The following TUBA1C variants were observed in gnomAD, a reference collection of about 807,000 sequenced individuals.
TUBA1C encodes the protein tubulin alpha 1c, also known as tubulin alpha-1C chain.
Under a neutral mutation model 34.9 loss-of-function variants are expected in TUBA1C, and 16 were observed. That is an observed-to-expected ratio of 0.46 (90% CI 0.31 to 0.70). The LOEUF (loss-of-function observed/expected upper bound fraction) is 0.70, where lower values mean the gene tolerates loss of function less well. Among genes scored for constraint, TUBA1C ranks in the 30% least tolerant of loss-of-function variants. TUBA1C has a pLI of 0.05. For missense variants in TUBA1C, 329 were observed against 587.3 expected (o/e 0.56, Z 4.55); for synonymous variants, 177 against 215.9 (o/e 0.82, Z 1.58).
At chr12:49,247,917 C>T (rs1331139425) in intron 1 of TUBA1C, among the ~76,000 whole-genome samples, 3 of 144,982 alleles carry the variant, frequency 2.1e-5, no homozygotes, top group African/African-American at 2.6e-5. Flanking sequence ...CACTACACTC[C>T]AGCCTGGGCG....
At chr12:49,241,462 T>G (rs762138959) in intron 1 of TUBA1C, among the ~76,000 whole-genome samples, 3 of 152,168 alleles carry the variant, frequency 2.0e-5, no homozygotes, top group Non-Finnish European at 4.4e-5. Flanking sequence ...GAATGTGGTT[T>G]GCTTCAGCCT....
chr12:49,228,679 T>C (rs1202644102), intron 1 of TUBA1C, among the ~76,000 whole-genome samples: 1 of 152,198 alleles, frequency 6.6e-6, no homozygotes, highest in African/African-American at 2.4e-5. Context: ...TTAATTTTAC[T>C]CTACTTTAGT....
At chr12:49,266,152 G>T (rs1346422667) in intron 1 of TUBA1C, among the ~76,000 whole-genome samples, 1 of 149,736 alleles carries the variant, frequency 6.7e-6, no homozygotes, top group African/African-American at 2.5e-5. Context: ...CCGGCCCGGC[G>T]CGGTGGCTCA....
intron 3 of TUBA1C, among the ~76,000 whole-genome samples, chr12:49,270,852 G>A (rs1942982004): frequency 6.6e-6 from 1 of 152,062 alleles, no homozygotes; most frequent in Admixed American, 6.6e-5. Context: ...GGTGGTGGGC[G>A]CCTGTAGTCC....
chr12:49,233,543 G>C (rs992809117), intron 1 of TUBA1C: 4 of 152,180 alleles, frequency 2.6e-5, no homozygotes, highest in African/African-American at 9.7e-5. Flanking sequence ...ATTCCTGATG[G>C]GTTCCCAATT....
chr12:49,230,291 C>T (rs779402245), intron 1 of TUBA1C, among the ~76,000 whole-genome samples: 2 of 152,014 alleles, frequency 1.3e-5, no homozygotes, highest in Non-Finnish European at 2.9e-5. Context: ...ATTTATGGGG[C>T]AGGGAGAGAC....
intron 1 of TUBA1C, among the ~76,000 whole-genome samples, chr12:49,231,246 C>T (rs1942493798): frequency 6.6e-6 from 1 of 152,162 alleles, no homozygotes; most frequent in Non-Finnish European, 1.5e-5. Flanking sequence ...CTCACTACAG[C>T]CTTAAACTCC....
chr12:49,252,598 G>A (rs1023200591), intron 1 of TUBA1C, among the ~76,000 whole-genome samples: 5 of 152,130 alleles, frequency 3.3e-5, no homozygotes, highest in South Asian at 2.1e-4. Context: ...CCAACATGGC[G>A]AAACCCCATC....
chr12:49,230,306 G>T (rs1284651375), intron 1 of TUBA1C, among the ~76,000 whole-genome samples: 1 of 152,160 alleles, frequency 6.6e-6, no homozygotes, highest in African/African-American at 2.4e-5. Context: ...AGAGACAGGT[G>T]CAAGCTTTCT....
chr12:49,256,273 C>T, intron 1 of TUBA1C: 6 of 324,592 alleles, frequency 1.8e-5, no homozygotes, highest in Non-Finnish European at 2.5e-5. Context: ...ATTTTTTTTT[C>T]CTCTGAAACA....
chr12:49,234,787 C>T (rs1481950846), intron 1 of TUBA1C, among the ~76,000 whole-genome samples: 1 of 152,220 alleles, frequency 6.6e-6, no homozygotes, highest in Non-Finnish European at 1.5e-5. Flanking sequence ...AAACCTCCCT[C>T]TTGGGTCTTT....
At chr12:49,228,246 A>G (rs1942460625) in intron 1 of TUBA1C, 1 of 1,305,796 alleles carries the variant, frequency 7.7e-7, no homozygotes, top group Non-Finnish European at 1.0e-6. Flanking sequence ...TGCAACTGAT[A>G]TTTGTGAATT....
At chr12:49,271,173 G>A (rs539412160) in intron 3 of TUBA1C, among the ~76,000 whole-genome samples, 3 of 152,186 alleles carry the variant, frequency 2.0e-5, no homozygotes, top group East Asian at 3.8e-4. Flanking sequence ...GGTGTAATTG[G>A]TAGGCGAGAG....
At chr12:49,266,506 A>G (rs1942914685) in intron 1 of TUBA1C, among the ~76,000 whole-genome samples, 1 of 152,124 alleles carries the variant, frequency 6.6e-6, no homozygotes, top group African/African-American at 2.4e-5. Flanking sequence ...GAAACGTGAA[A>G]TTATACGTAA....
intron 1 of TUBA1C, among the ~76,000 whole-genome samples, chr12:49,238,048 G>T (rs1228781182): frequency 6.6e-6 from 1 of 151,146 alleles, no homozygotes; most frequent in South Asian, 2.1e-4. Flanking sequence ...GGCAGAGGTT[G>T]CAGTGAGCCA....
chr12:49,247,087 C>T (rs553788270), intron 1 of TUBA1C, among the ~76,000 whole-genome samples: 4 of 150,514 alleles, frequency 2.7e-5, no homozygotes, highest in African/African-American at 9.8e-5. Context: ...TTACAGTGAA[C>T]TGCGATCATG....
At chr12:49,235,115 C>CA (rs550520599) in intron 1 of TUBA1C, among the ~76,000 whole-genome samples, 5,840 of 83,826 alleles carry the variant, frequency 0.07, 288 homozygotes, top group African/African-American at 0.18. Context: ...TGCGCCCGGC[C>CA]AAAAAAAAAA....
chr12:49,260,459 G>A (rs1942830496), upstream of TUBA1C, among the ~76,000 whole-genome samples: 1 of 152,188 alleles, frequency 6.6e-6, no homozygotes, highest in Non-Finnish European at 1.5e-5. Flanking sequence ...CTCCCAGAAT[G>A]GAGCTAGCAT....
chr12:49,234,206 C>T (rs2136986902), intron 1 of TUBA1C: 1 of 152,358 alleles, frequency 6.6e-6, no homozygotes, highest in Non-Finnish European at 1.5e-5. Flanking sequence ...CAACCCCTAG[C>T]CCATTTATCC....
Sources: gnomAD v4.1 joint callset for allele counts (sites outside exome capture counted in the v4.1 genomes callset) on GRCh38, gnomAD v4.1.1 for gene constraint, MANE v1.5 for transcripts, NCBI Gene and HGNC (gene_info 2026-07-23, HGNC 2026-07-21) for gene names.